Variants in BCLAF3 observed in about 807,000 individuals in gnomAD.
BCLAF3 encodes transient octamer binding factor 1.
Under a neutral mutation model 51.2 loss-of-function variants are expected in BCLAF3, and 24 were observed. The observed-to-expected ratio is 0.47, with a 90% CI of 0.34 to 0.66. The LOEUF is 0.66. BCLAF3 is among the 30% of genes least tolerant of loss of function. The pLI is 0.01. For missense variants in BCLAF3, 465 were observed against 525.1 expected (o/e 0.89, Z 1.12); for synonymous variants, 152 against 176.6 (o/e 0.86, Z 1.10).
chrX:19,926,086 G>T (rs1039734030), intron 11 of BCLAF3, among the ~76,000 whole-genome samples: 1 of 111,651 alleles, frequency 9.0e-6, no homozygotes, highest in Admixed American at 9.6e-5. Context: ...TAGCCAGATT[G>T]GAAAACTCCA....
intron 4 of BCLAF3, among the ~76,000 whole-genome samples, chrX:19,960,418 T>C (rs769359738): frequency 1.8e-5 from 2 of 110,857 alleles, no homozygotes; most frequent in African/African-American, 3.3e-5. Context: ...CAAAAACATA[T>C]GCACTCTAAC....
At chrX:19,977,340 A>C (rs1447512897) in intron 1 of BCLAF3, among the ~76,000 whole-genome samples, 1 of 112,403 alleles carries the variant, frequency 8.9e-6, no homozygotes, top group Non-Finnish European at 1.9e-5. Flanking sequence ...TTGTGGATGC[A>C]AAGGGAAAGT....
At chrX:19,967,957 A>G (rs1028040170) in intron 2 of BCLAF3, among the ~76,000 whole-genome samples, 5 of 112,086 alleles carry the variant, frequency 4.5e-5, no homozygotes, top group African/African-American at 1.6e-4. Flanking sequence ...CCAGCTGGCT[A>G]CACCTCATCA....
In BCLAF3 at chrX:19,979,458, C is replaced by T. The variant is rs753215838; in HGVS notation, c.-34-9160G>A. Reference sequence around the variant, plus strand: ...GGTATGTATTGTTTTAGACATAATGCTTTTGCACACCTAACAAACTGCAGT... The same window carrying T: ...GGTATGTATTGTTTTAGACATAATGTTTTTGCACACCTAACAAACTGCAGT... On this transcript the variant is annotated intron_variant, in intron 1 of 11. Transcript: ENST00000379682. Among the ~76,000 whole-genome samples the T allele has an allele frequency of 1.9e-4, 21 of 110,986 alleles. No homozygotes were observed. In the East Asian group the frequency reaches 2.8e-3, roughly 15 times the overall value.
intron 3 of BCLAF3, 41 bp downstream of exon 3, chrX:19,966,039 G>A (rs1252374759): frequency 1.4e-5 from 15 of 1,091,806 alleles, no homozygotes; most frequent in Non-Finnish European, 1.6e-5. Flanking sequence ...TTTCACTTGA[G>A]GCTTTATACC....
chrX:19,964,811 A>G (rs1191781844), intron 4 of BCLAF3, among the ~76,000 whole-genome samples: 1 of 111,279 alleles, frequency 9.0e-6, no homozygotes. Flanking sequence ...AATGCCCCGC[A>G]TCCAAGAAGC....
At chrX:19,940,922 T>A (rs1242184113) in intron 8 of BCLAF3, among the ~76,000 whole-genome samples, 11 of 110,694 alleles carry the variant, frequency 9.9e-5, no homozygotes, top group African/African-American at 3.6e-4. Context: ...CCACATCCTC[T>A]CCAGCACCTG....
chrX:19,922,803 A>G (rs1237559742), intron 11 of BCLAF3, among the ~76,000 whole-genome samples: 1 of 110,529 alleles, frequency 9.0e-6, no homozygotes, highest in South Asian at 3.9e-4. Flanking sequence ...GGGAGGCTGA[A>G]GCAGGAGAAT....
rs376038583 is a variant in BCLAF3 at position 19,953,008 on chromosome X, C to T, written c.1609G>A (p.Val537Met). ...SLAELQSKQAVIYESEQTLIK... is the reference protein window; with the variant it reads ...SLAELQSKQAMIYESEQTLIK... ...CTAACCTGTTCCGATTCATAGATCA[C>T]AGCTTGTTTACTCTGAAGCTCGGCC... Residue 537 changes from valine (V) to methionine (M), a missense_variant, in exon 7 of 12, where the codon GTG becomes ATG. Physicochemically the swap from Val to Met is conservative, Grantham distance 21. Transcript: ENST00000379682. 6 of 1,206,534 alleles carry T rather than the reference C, an allele frequency of 5.0e-6. No individual in the cohort carries two copies. The highest frequency in any genetic ancestry group is 4.6e-4 in the Middle Eastern group (2 of 4,358).
At chrX:19,927,088 G>A (rs766920478) in intron 11 of BCLAF3, among the ~76,000 whole-genome samples, 6 of 110,611 alleles carry the variant, frequency 5.4e-5, no homozygotes, top group Non-Finnish European at 9.5e-5. Flanking sequence ...TTAGCTGGGC[G>A]TGGTGGCAGG....
intron 1 of BCLAF3, among the ~76,000 whole-genome samples, chrX:19,971,886 T>C (rs1180891567): frequency 8.9e-6 from 1 of 112,409 alleles, no homozygotes; most frequent in Non-Finnish European, 1.9e-5. Context: ...TATGCAGTTT[T>C]TCCACCCACA....
chrX:19,950,268 T>C (rs2071437581), intron 8 of BCLAF3, among the ~76,000 whole-genome samples: 1 of 111,904 alleles, frequency 8.9e-6, no homozygotes, highest in Admixed American at 9.5e-5. Flanking sequence ...ATGGACGACA[T>C]CCAAAAATGT....
At chrX:19,953,081 A>G (rs755088264) in intron 6 of BCLAF3, 30 bp from the exon 7 acceptor site, 38 of 1,059,038 alleles carry the variant, frequency 3.6e-5, no homozygotes, top group Non-Finnish European at 4.8e-5. Context: ...GTACAACTAA[A>G]TAATTATGTT....
At chrX:19,948,492 G>A (rs2071379116) in intron 8 of BCLAF3, among the ~76,000 whole-genome samples, 2 of 111,329 alleles carry the variant, frequency 1.8e-5, no homozygotes, top group Non-Finnish European at 1.9e-5. Context: ...CAGGCCAGTT[G>A]TGGTGGCTCA....
rs1345005758 is a variant in BCLAF3, at chrX:19,929,887, C to T, written c.2004G>A (p.Gln668=). The T allele has an allele frequency of 8.3e-7, 1 of 1,208,624 alleles. No homozygotes were observed. Among genetic ancestry groups the T allele is most frequent in the Non-Finnish European group, 1.1e-6 (1 of 894,505 alleles). ...CQPNYKSGLV[Q]KSLYIQAKYQ... is the part of the protein sequence containing the mutation. ...ACTTAGCCTGAATGTACAAGCTCTT[C>T]TGTACCAGGCCTGATTTATAATTGG... The change falls in exon 11 of 12, where the codon CAG becomes CAA. Residue 668 remains glutamine, a synonymous_variant. Transcript: ENST00000379682.
chrX:19,927,676 C>CTT (rs573804229), intron 11 of BCLAF3, among the ~76,000 whole-genome samples: 1 of 102,945 alleles, frequency 9.7e-6, no homozygotes, highest in Non-Finnish European at 2.0e-5. Flanking sequence ...TCTTCCTGTT[C>CTT]TTTTTTTTTT....
chrX:19,981,350 A>G (rs2072605084), intron 1 of BCLAF3, among the ~76,000 whole-genome samples: 1 of 112,295 alleles, frequency 8.9e-6, no homozygotes, highest in Non-Finnish European at 1.9e-5. Flanking sequence ...CGTTATTTCC[A>G]ATTGCTGCTA....
chrX:19,965,344 A>G lies in BCLAF3; in HGVS notation c.974T>C (p.Phe325Ser). The G allele has an allele frequency of 2.5e-6, 3 of 1,211,511 alleles. No individual in the cohort carries two copies. Among genetic ancestry groups the G allele is most frequent in the Non-Finnish European group, 3.4e-6 (3 of 895,414 alleles). Residue 325 changes from phenylalanine (F) to serine (S), a missense_variant, in exon 4 of 12, where the codon TTT (phenylalanine) becomes TCT (serine). Transcript: ENST00000379682. ...KGPLNRELDC[F>S]NTGRGRETQD... ...AGTCTCTCTCCCTCTTCCAGTATTAAAACAATCTAACTCTCTATTTAGAGG... is the reference window on the plus strand; with the variant it reads ...AGTCTCTCTCCCTCTTCCAGTATTAGAACAATCTAACTCTCTATTTAGAGG...
At chrX:19,930,390 CTGGA>C (rs2070502550) in intron 10 of BCLAF3, 1 of 111,614 alleles carries the variant, frequency 9.0e-6, no homozygotes, top group African/African-American at 3.3e-5. Context: ...TGGAGCTGTC[CTGGA>C]TTCTAGGCCT....
Sources: gnomAD v4.1 joint callset for allele counts (sites outside exome capture counted in the v4.1 genomes callset) on GRCh38, gnomAD v4.1.1 for gene constraint, MANE v1.5 for transcripts, NCBI Gene and HGNC (gene_info 2026-07-23, HGNC 2026-07-21) for gene names.